The following TAPT1 variants were observed in gnomAD, a reference collection of about 807,000 sequenced individuals.
TAPT1 encodes transmembrane anterior posterior transformation protein 1 homolog.
In TAPT1, 28 loss-of-function variants were observed where a neutral mutation model predicts 65.6. The observed-to-expected ratio is 0.43, with a 90% CI of 0.32 to 0.59. The LOEUF (loss-of-function observed/expected upper bound fraction) is 0.59, where lower values mean the gene tolerates loss of function less well. TAPT1 is among the 20% of genes least tolerant of loss of function. The probability of loss-of-function intolerance (pLI) is 0.09; values close to 1 mark genes in which losing one functional copy is unlikely to be tolerated. For synonymous variants in TAPT1, 278 were observed against 245.2 expected (o/e 1.13, Z -1.25); for missense variants, 563 against 679.9 (o/e 0.83, Z 1.91).
At chr4:16,172,637 A>G (rs536054369) in intron 11 of TAPT1, among the ~76,000 whole-genome samples, 2 of 152,214 alleles carry the variant, frequency 1.3e-5, no homozygotes, top group Non-Finnish European at 2.9e-5. Context: ...ACTGAAATTT[A>G]AATAGCATTA....
At chr4:16,223,448 A>G (rs1751373900) in intron 1 of TAPT1, among the ~76,000 whole-genome samples, 1 of 152,236 alleles carries the variant, frequency 6.6e-6, no homozygotes, top group African/African-American at 2.4e-5. Flanking sequence ...CTACATCCAG[A>G]GTTCAAGGCC....
intron 7 of TAPT1, among the ~76,000 whole-genome samples, chr4:16,185,799 T>C (rs1324152796): frequency 6.6e-6 from 1 of 152,152 alleles, no homozygotes; most frequent in Non-Finnish European, 1.5e-5. Context: ...ACACCCCTCC[T>C]TCCTCAAGGA....
At chr4:16,174,579 A>G in intron 10 of TAPT1, 91 bp downstream of exon 10, 2 of 1,183,062 alleles carry the variant, frequency 1.7e-6, no homozygotes, top group Non-Finnish European at 2.4e-6. Flanking sequence ...GCTTTCCTTT[A>G]GTTAATATTT....
chr4:16,183,310 A>AT (rs34134145), intron 7 of TAPT1, among the ~76,000 whole-genome samples: 2,489 of 150,134 alleles, frequency 0.017, 73 homozygotes, highest in African/African-American at 0.056. Flanking sequence ...GCAAAAAGTA[A>AT]TTTTTTTTTT....
chr4:16,168,285 T>TA (rs1197880648), intron 12 of TAPT1, among the ~76,000 whole-genome samples: 27 of 152,118 alleles, frequency 1.8e-4, no homozygotes, highest in Non-Finnish European at 3.4e-4. Context: ...GCTAATTTTC[T>TA]TTTTTGTAGA....
At chr4:16,192,388 A>C (rs754025334) in intron 3 of TAPT1, among the ~76,000 whole-genome samples, 1 of 152,208 alleles carries the variant, frequency 6.6e-6, no homozygotes, top group Non-Finnish European at 1.5e-5. Context: ...ACAGTTATTT[A>C]TATTTCATAT....
intron 7 of TAPT1, among the ~76,000 whole-genome samples, chr4:16,183,946 A>G (rs887602372): frequency 2.0e-5 from 3 of 152,166 alleles, no homozygotes; most frequent in South Asian, 2.1e-4. Flanking sequence ...CAAGTTTTCC[A>G]TTTGTTCTTT....
chr4:16,206,316 TCTTA>T (rs1750341737), intron 2 of TAPT1, among the ~76,000 whole-genome samples: 1 of 152,228 alleles, frequency 6.6e-6, no homozygotes, highest in South Asian at 2.1e-4. Flanking sequence ...TTCTTGCTTC[TCTTA>T]CTTCCAATCC....
chr4:16,173,654 C>A (rs919028898), intron 11 of TAPT1, among the ~76,000 whole-genome samples: 2 of 152,224 alleles, frequency 1.3e-5, no homozygotes, highest in Non-Finnish European at 2.9e-5. Flanking sequence ...AATATGTCTT[C>A]ATTTGGGCAT....
chr4:16,210,833 A>G (rs1311446714), intron 2 of TAPT1, among the ~76,000 whole-genome samples: 2 of 152,218 alleles, frequency 1.3e-5, no homozygotes, highest in African/African-American at 4.8e-5. Flanking sequence ...GGGTCAGGGG[A>G]GGACATTTAT....
intron 3 of TAPT1, chr4:16,196,542 T>C (rs1468468355): frequency 2.4e-6 from 1 of 421,010 alleles, no homozygotes; most frequent in Non-Finnish European, 4.5e-6. Flanking sequence ...GGATCCACAT[T>C]TTCTTCAGTA....
At chr4:16,182,116 T>C (rs1224302672) in intron 7 of TAPT1, among the ~76,000 whole-genome samples, 1 of 152,164 alleles carries the variant, frequency 6.6e-6, no homozygotes, top group African/African-American at 2.4e-5. Flanking sequence ...TCTTACACTT[T>C]CACAACTTTT....
Position 16,172,974 on chromosome 4 carries a change from C to T in TAPT1, c.1236+1230G>A, listed in dbSNP as rs192984721. Among the ~76,000 whole-genome samples, 17 of 152,118 alleles carry T rather than the reference C, an allele frequency of 1.1e-4. No homozygotes were observed. In the South Asian group the frequency reaches 1.2e-3, roughly 11 times the overall value. ...AAGTAGCTGAAATTACAGGCGCCTG[C>T]CACCACGCCTGACTAATTTTTGTAT... is the stretch of plus-strand genomic sequence containing the variant. On this transcript the variant is annotated intron_variant, in intron 11 of 13. Coordinates refer to ENST00000405303, the MANE Select transcript of TAPT1 (RefSeq NM_153365.3).
chr4:16,186,656 T>C lies in TAPT1; in HGVS notation c.847-52A>G, dbSNP rs1308226615. On this transcript the variant is annotated intron_variant, in intron 6 of 13. Coordinates refer to ENST00000405303, the MANE Select transcript of TAPT1 (RefSeq NM_153365.3). ...TTTATGATTATAACAGTTTAAAAACTGGACTTGCTACTTATAAAACTTCCG... is the reference window on the plus strand; with the variant it reads ...TTTATGATTATAACAGTTTAAAAACCGGACTTGCTACTTATAAAACTTCCG... 4 of 1,410,756 alleles carry C rather than the reference T, an allele frequency of 2.8e-6. No individual in the cohort carries two copies. The African/African-American group carries it at 5.7e-5, about 20-fold the overall frequency. 87.4% of individuals were successfully genotyped at this position (1,410,756 alleles called of 1,614,324 possible). A position where few individuals can be genotyped will look rare whatever the true frequency, so the allele number is the denominator to read the frequency against.
At chr4:16,224,546 T>C (rs1751438049) in intron 1 of TAPT1, among the ~76,000 whole-genome samples, 1 of 152,136 alleles carries the variant, frequency 6.6e-6, no homozygotes, top group African/African-American at 2.4e-5. Context: ...CCAAGGCTAG[T>C]GTGACTTGGT....
chr4:16,172,785 C>G (rs1662656), intron 11 of TAPT1, among the ~76,000 whole-genome samples: 71,449 of 151,640 alleles, frequency 0.47, 17,948 homozygotes, highest in African/African-American at 0.65. Context: ...GATATCCTTT[C>G]GCAAAAAAGA....
Position 16,166,759 on chromosome 4 carries a change from G to A in TAPT1, c.1348C>T (p.Leu450=). 2 of 1,613,822 alleles carry A rather than the reference G, an allele frequency of 1.2e-6. No individual in the cohort carries two copies. Among genetic ancestry groups the A allele is most frequent in the East Asian group, 2.2e-5 (1 of 44,870 alleles). The change falls in exon 13 of 14, where the codon CTG becomes TTG. Residue 450 remains leucine (L), a synonymous_variant. Transcript: ENST00000405303. ...ACATACTGGCACGATTTCCCCAACA[G>A]CACGATGCTATTAAGTACTTTCAGG... is the stretch of plus-strand genomic sequence containing the variant. ...ISLKVLNSIV[L]LGKSCQYVKE... is the part of the protein sequence containing the mutation.
At chr4:16,227,251 A>G (rs1751645008), upstream of TAPT1, 1 of 455,398 alleles carries the variant, frequency 2.2e-6, no homozygotes, top group Non-Finnish European at 4.4e-6. Context: ...CGGACTTTCC[A>G]CACTGTCTTT....
chr4:16,181,021 G>A (rs923052774), intron 7 of TAPT1, among the ~76,000 whole-genome samples: 1 of 152,208 alleles, frequency 6.6e-6, no homozygotes, highest in Non-Finnish European at 1.5e-5. Context: ...GTTTTGATTT[G>A]TCTAGATCAC....
Sources: allele counts gnomAD v4.1 joint callset (sites outside exome capture counted in the v4.1 genomes callset), GRCh38; gene constraint gnomAD v4.1.1; transcripts MANE v1.5; gene names NCBI Gene and HGNC (gene_info 2026-07-23, HGNC 2026-07-21).